The following PGM1 variants were observed in gnomAD, a reference collection of about 807,000 sequenced individuals.
PGM1 encodes the protein phosphoglucomutase 1, also known as phosphoglucomutase-1.
Under a neutral mutation model 55.6 loss-of-function variants are expected in PGM1, and 52 were observed. That is an observed-to-expected ratio of 0.94 (90% CI 0.75 to 1.18). The LOEUF is 1.18. Among genes scored for constraint, PGM1 ranks in the 50% most tolerant of loss-of-function variants. The probability of loss-of-function intolerance (pLI) is 0.00; values close to 1 mark genes in which losing one functional copy is unlikely to be tolerated. For synonymous variants in PGM1, 287 were observed against 271.7 expected (o/e 1.06, Z -0.55); for missense variants, 724 against 729.3 (o/e 0.99, Z 0.08).
intron 1 of PGM1, chr1:63,623,150 G>A (rs1032770508): frequency 1.4e-5 from 15 of 1,054,628 alleles, no homozygotes; most frequent in Admixed American, 9.1e-5. Context: ...CTACCCTAAC[G>A]GGGAAATGAG....
At chr1:63,603,854 C>A (rs1373614078) in intron 1 of PGM1, among the ~76,000 whole-genome samples, 1 of 152,180 alleles carries the variant, frequency 6.6e-6, no homozygotes, top group Non-Finnish European at 1.5e-5. Flanking sequence ...GAAATGGTGG[C>A]AGAATTGCCC....
At chr1:63,594,142 A>G (rs2100948692) in intron 1 of PGM1, 1 of 994,668 alleles carries the variant, frequency 1.0e-6, no homozygotes, top group Non-Finnish European at 1.2e-6. Flanking sequence ...TTAAGCAGGA[A>G]AGGTTAGACT....
chr1:63,622,645 GT>G (rs1231963158), intron 1 of PGM1, among the ~76,000 whole-genome samples: 1 of 152,076 alleles, frequency 6.6e-6, no homozygotes, highest in Non-Finnish European at 1.5e-5. Flanking sequence ...CCTCACGCCT[GT>G]TTTTTTGTAT....
At chr1:63,628,277 A>G (rs1057346852) in intron 1 of PGM1, among the ~76,000 whole-genome samples, 3 of 152,186 alleles carry the variant, frequency 2.0e-5, no homozygotes, top group Admixed American at 6.5e-5. Flanking sequence ...GGAAGGCAGG[A>G]TATAACCAAT....
At chr1:63,656,878 G>T (rs750922884) in intron 10 of PGM1, among the ~76,000 whole-genome samples, 29 of 152,106 alleles carry the variant, frequency 1.9e-4, no homozygotes, top group Non-Finnish European at 3.4e-4. Context: ...TTTCAGTTAT[G>T]TAGGATGTAG....
intron 1 of PGM1, among the ~76,000 whole-genome samples, chr1:63,603,079 C>T (rs1048345250): frequency 6.6e-6 from 1 of 152,182 alleles, no homozygotes; most frequent in Non-Finnish European, 1.5e-5. Flanking sequence ...AGAAAGCTCC[C>T]CTCACTGCCC....
intron 7 of PGM1, among the ~76,000 whole-genome samples, chr1:63,647,275 T>TATATATATATATAC (rs1649677629): frequency 2.2e-5 from 1 of 46,314 alleles, no homozygotes; most frequent in African/African-American, 2.1e-4. Context: ...TATATATATA[T>TATATATATATATAC]ATATATATAT....
chr1:63,623,826 A>G (rs1648952413), intron 1 of PGM1: 2 of 1,113,830 alleles, frequency 1.8e-6, no homozygotes, highest in Non-Finnish European at 1.3e-6. Flanking sequence ...ACAGAAGTAT[A>G]CAAACGTACA....
chr1:63,629,140 C>T, intron 1 of PGM1, among the ~76,000 whole-genome samples: 1 of 152,238 alleles, frequency 6.6e-6, no homozygotes, highest in East Asian at 1.9e-4. Flanking sequence ...TTTTAATATG[C>T]TGTGTTTTCA....
In PGM1 at chr1:63,629,487, T is replaced by G; in HGVS notation, c.309T>G (p.Ile103Met). 1 of 1,613,840 alleles carries G rather than the reference T, an allele frequency of 6.2e-7. No individual in the cohort carries two copies. Reference sequence around the variant, plus strand: ...CCACCCCTGCTGTATCCTGCATCATTAGAAAAATCAAAGCCATTGGTGGGA... The same window carrying G: ...CCACCCCTGCTGTATCCTGCATCATGAGAAAAATCAAAGCCATTGGTGGGA... Reference protein sequence around the residue: ...ILSTPAVSCIIRKIKAIGGII... With the variant: ...ILSTPAVSCIMRKIKAIGGII... The change falls in exon 2 of 11, where the codon ATT becomes ATG. Residue 103 changes from isoleucine (I) to methionine (M), a missense_variant. Ile to Met is a conservative substitution (Grantham distance 10). This residue lies in a region of PGM1 where 379 missense variants were observed against 357.5 expected (regional missense o/e 1.06). Coordinates refer to ENST00000371084, the MANE Select transcript of PGM1 (RefSeq NM_002633.3).
chr1:63,629,647 C>A, intron 2 of PGM1, 60 bp downstream of exon 2: 2 of 1,530,036 alleles, frequency 1.3e-6, no homozygotes, highest in East Asian at 4.5e-5. Context: ...AAATCAATAC[C>A]TGGAGCCTTG....
At chr1:63,611,166 G>A (rs910783253) in intron 1 of PGM1, among the ~76,000 whole-genome samples, 1 of 152,176 alleles carries the variant, frequency 6.6e-6, no homozygotes, top group Non-Finnish European at 1.5e-5. Context: ...TGCCTCGTTA[G>A]GGTGTATTGG....
chr1:63,597,904 A>G (rs1450787654), intron 1 of PGM1, among the ~76,000 whole-genome samples: 2 of 152,212 alleles, frequency 1.3e-5, no homozygotes, highest in African/African-American at 4.8e-5. Flanking sequence ...GTCAAGTTAC[A>G]GGGATTCTTT....
chr1:63,654,967 CTTTTTTT>C (rs58711467), intron 10 of PGM1, among the ~76,000 whole-genome samples: 21 of 131,638 alleles, frequency 1.6e-4, no homozygotes, highest in Non-Finnish European at 2.8e-4. Context: ...ATGAATCTCT[CTTTTTTT>C]TTTTTTTTTT....
intron 10 of PGM1, among the ~76,000 whole-genome samples, chr1:63,659,124 CAG>C (rs1247045797): frequency 1.3e-5 from 2 of 152,300 alleles, no homozygotes; most frequent in Admixed American, 6.5e-5. Context: ...AGTGGGGACA[CAG>C]AGCCAAACCA....
intron 1 of PGM1, among the ~76,000 whole-genome samples, chr1:63,608,223 C>CAGTT (rs1246353244): frequency 6.6e-6 from 1 of 152,204 alleles, no homozygotes; most frequent in Non-Finnish European, 1.5e-5. Context: ...GCTTAAGAGA[C>CAGTT]AGTTCTTGCT....
In PGM1 at chr1:63,651,681, G is replaced by A. The variant is rs763456802; in HGVS notation, c.1293G>A (p.Glu431=). 5 of 1,613,596 alleles carry A rather than the reference G, an allele frequency of 3.1e-6. No individual in the cohort carries two copies. Among genetic ancestry groups the A allele is most frequent in the African/African-American group, 1.3e-5 (1 of 74,898 alleles). The change falls in exon 9 of 11, where the codon GAG becomes GAA. Residue 431 remains glutamate, a synonymous_variant. Coordinates refer to ENST00000371084, the MANE Select transcript of PGM1 (RefSeq NM_002633.3). ...GRNFFTRYDY[E]EVEAEGANKM... ...TGACTTCTTCCAGGTATGATTACGA[G>A]GAGGTGGAAGCTGAGGGCGCAAACA...
At chr1:63,627,781 A>T (rs1047835205) in intron 1 of PGM1, among the ~76,000 whole-genome samples, 3 of 152,140 alleles carry the variant, frequency 2.0e-5, no homozygotes, top group African/African-American at 7.2e-5. Flanking sequence ...GTGTGTAAAT[A>T]CAACTCGACA....
At chr1:63,642,563 T>C (rs1413136747) in intron 7 of PGM1, among the ~76,000 whole-genome samples, 2 of 152,184 alleles carry the variant, frequency 1.3e-5, no homozygotes, top group African/African-American at 4.8e-5. Context: ...ACTTTGAAAG[T>C]GAAGTCACTG....
Sources: gnomAD v4.1 joint callset for allele counts (sites outside exome capture counted in the v4.1 genomes callset) on GRCh38, gnomAD v4.1.1 for gene constraint, gnomAD v4.1.1 regional missense constraint, MANE v1.5 for transcripts, NCBI Gene and HGNC (gene_info 2026-07-23, HGNC 2026-07-21) for gene names.